The following BRD10 variants were observed in gnomAD, a reference collection of about 807,000 sequenced individuals.
The protein encoded by BRD10 is uncharacterized bromodomain-containing protein 10.
the BRD10 span, among the ~76,000 whole-genome samples, chr9:5,914,549 G>A: frequency 2.0e-5 from 3 of 147,810 alleles, no homozygotes; most frequent in African/African-American, 7.5e-5. Context: ...TCAGCCTCCC[G>A]AGTAGCTGGG....
At chr9:5,936,368 T>G in the BRD10 span, among the ~76,000 whole-genome samples, 1 of 152,074 alleles carries the variant, frequency 6.6e-6, no homozygotes, top group Non-Finnish European at 1.5e-5. Flanking sequence ...AACAAATAAA[T>G]GAATAATTTA....
chr9:6,002,686 A>C, the BRD10 span, among the ~76,000 whole-genome samples: 1 of 147,992 alleles, frequency 6.8e-6, no homozygotes. Flanking sequence ...AGGATGCTGT[A>C]CTTTTTTTTT....
chr9:5,926,814 C>T, the BRD10 span, among the ~76,000 whole-genome samples: 1 of 152,094 alleles, frequency 6.6e-6, no homozygotes, highest in Admixed American at 6.5e-5. Context: ...ATTTTTAAAA[C>T]ATTAAAATTC....
chr9:5,929,781 T>C, the BRD10 span, among the ~76,000 whole-genome samples: 1 of 152,152 alleles, frequency 6.6e-6, no homozygotes, highest in Non-Finnish European at 1.5e-5. Flanking sequence ...GAGAGAGCTC[T>C]AGCATTTACA....
the BRD10 span, among the ~76,000 whole-genome samples, chr9:5,978,313 T>C: frequency 6.6e-6 from 1 of 151,978 alleles, no homozygotes; most frequent in East Asian, 1.9e-4. Context: ...TTATAAACTT[T>C]TATTGAATGC....
the BRD10 span, among the ~76,000 whole-genome samples, chr9:6,001,148 A>T: frequency 6.6e-6 from 1 of 152,134 alleles, no homozygotes; most frequent in African/African-American, 2.4e-5. Flanking sequence ...TTTACCACTG[A>T]TACCTGTTGA....
the BRD10 span, among the ~76,000 whole-genome samples, chr9:5,974,560 A>C: frequency 1.3e-5 from 2 of 152,162 alleles, no homozygotes; most frequent in Admixed American, 1.3e-4. Flanking sequence ...GCAGACAGAC[A>C]GAGAGTACCC....
chr9:5,933,692 A>G, the BRD10 span: 17 of 444,792 alleles, frequency 3.8e-5, no homozygotes, highest in South Asian at 2.8e-4. Context: ...ACTACACAAT[A>G]TTGTAAAAAG....
the BRD10 span, among the ~76,000 whole-genome samples, chr9:5,930,231 G>A: frequency 6.6e-6 from 1 of 151,184 alleles, no homozygotes; most frequent in Non-Finnish European, 1.5e-5. Flanking sequence ...CATTTAACAT[G>A]CATAAACAGA....
the BRD10 span, chr9:5,934,025 TTACA>T: frequency 3.8e-6 from 1 of 261,208 alleles, no homozygotes; most frequent in South Asian, 4.1e-5. Context: ...ATACAGTTAC[TTACA>T]TAGATTTTTC....
At chr9:5,932,081 T>G in the BRD10 span, among the ~76,000 whole-genome samples, 1 of 152,180 alleles carries the variant, frequency 6.6e-6, no homozygotes, top group Non-Finnish European at 1.5e-5. Flanking sequence ...ATGAAATTAA[T>G]GTAAAGAGAA....
the BRD10 span, among the ~76,000 whole-genome samples, chr9:5,996,328 G>A: frequency 6.6e-6 from 1 of 151,244 alleles, no homozygotes; most frequent in African/African-American, 2.4e-5. Flanking sequence ...TGTTGTTGTT[G>A]TTGTTTTTGA....
the BRD10 span, among the ~76,000 whole-genome samples, chr9:5,932,842 C>T: frequency 6.6e-6 from 1 of 152,036 alleles, no homozygotes; most frequent in African/African-American, 2.4e-5. Flanking sequence ...TGTGTAAGTA[C>T]CTATATTTAC....
At chr9:5,921,073 T>A in the BRD10 span, 1 of 1,613,816 alleles carries the variant, frequency 6.2e-7, no homozygotes, top group Non-Finnish European at 8.5e-7. Context: ...AAACCACTGA[T>A]TCATTAACAG....
At chr9:5,918,143 T>C in the BRD10 span, among the ~76,000 whole-genome samples, 1 of 152,172 alleles carries the variant, frequency 6.6e-6, no homozygotes, top group Non-Finnish European at 1.5e-5. Context: ...TAAACATGAC[T>C]AGGAAAAGTA....
chr9:5,964,351 A>G, the BRD10 span, among the ~76,000 whole-genome samples: 1 of 151,974 alleles, frequency 6.6e-6, no homozygotes, highest in African/African-American at 2.4e-5. Flanking sequence ...CAAAACCACA[A>G]TGAGATACCA....
At chr9:5,940,842 G>A in the BRD10 span, among the ~76,000 whole-genome samples, 3 of 152,260 alleles carry the variant, frequency 2.0e-5, no homozygotes, top group Non-Finnish European at 4.4e-5. Context: ...CTTACTCAAT[G>A]TTGAGGGGCT....
chr9:5,907,759 C>T, the BRD10 span, among the ~76,000 whole-genome samples: 19 of 152,274 alleles, frequency 1.2e-4, no homozygotes, highest in African/African-American at 4.3e-4. Context: ...TCGAGACCAG[C>T]CTGGCAAACA....
the BRD10 span, among the ~76,000 whole-genome samples, chr9:5,905,496 C>T: frequency 6.6e-6 from 1 of 152,100 alleles, no homozygotes; most frequent in Non-Finnish European, 1.5e-5. Flanking sequence ...GCCCTTCAAA[C>T]CATAAAAAAA....
Sources: gnomAD v4.1 joint callset for allele counts (sites outside exome capture counted in the v4.1 genomes callset) on GRCh38, gnomAD v4.1.1 for gene constraint, MANE v1.5 for transcripts, NCBI Gene and HGNC (gene_info 2026-07-23, HGNC 2026-07-21) for gene names.